PHACTR1: variants seen among roughly 807,000 people sequenced by gnomAD.
The protein encoded by PHACTR1 is RPEL repeat containing 1.
Under a neutral mutation model 69.2 loss-of-function variants are expected in PHACTR1, and 16 were observed. That is an observed-to-expected ratio of 0.23 (90% confidence interval 0.16 to 0.35). PHACTR1 has a LOEUF of 0.35. Ranked by LOEUF, PHACTR1 falls within the 10% of genes least tolerant of loss-of-function variation. The probability of loss-of-function intolerance (pLI) is 1.00; values close to 1 mark genes in which losing one functional copy is unlikely to be tolerated. For synonymous variants in PHACTR1, 312 were observed against 284.5 expected, an observed-to-expected ratio of 1.10 and a Z score of -0.97; for missense variants, 510 against 734.7, an observed-to-expected ratio of 0.69 and a Z score of 3.54.
In PHACTR1 at chr6:13,182,508, C is replaced by T. The variant is rs1762306231; in HGVS notation, c.497-11C>T. The T allele has an allele frequency of 6.2e-7, 1 of 1,613,346 alleles. No homozygotes were observed. The highest frequency in any genetic ancestry group is 1.3e-5 in the African/African-American group (1 of 74,916). Reference sequence around the variant, plus strand: ...TTGTCTAACTCTGCAATCTCCTTTTCTCTCTGACAGATGGGGAACTCTCTA... The same window carrying T: ...TTGTCTAACTCTGCAATCTCCTTTTTTCTCTGACAGATGGGGAACTCTCTA... On this transcript the variant is annotated splice_polypyrimidine_tract_variant and intron_variant, in intron 6 of 14. Coordinates refer to ENST00000332995, the MANE Select transcript of PHACTR1 (RefSeq NM_030948.6).
chr6:12,782,366 C>G (rs1770951344), intron 4 of PHACTR1, among the ~76,000 whole-genome samples: 1 of 152,084 alleles, frequency 6.6e-6, no homozygotes, highest in South Asian at 2.1e-4. Context: ...AGGACACATT[C>G]GACTTGTCAG....
chr6:13,042,714 C>A (rs575985887), intron 4 of PHACTR1, among the ~76,000 whole-genome samples: 2 of 152,132 alleles, frequency 1.3e-5, no homozygotes, highest in African/African-American at 4.8e-5. Flanking sequence ...CCTAGTGGAA[C>A]GCTTATTAGC....
chr6:12,811,844 T>G (rs1775046449), intron 4 of PHACTR1, among the ~76,000 whole-genome samples: 1 of 152,188 alleles, frequency 6.6e-6, no homozygotes, highest in Admixed American at 6.5e-5. Context: ...GTTTCCTTTA[T>G]GTCTCCGTGG....
At chr6:13,272,398 T>C in intron 10 of PHACTR1, 1 of 168,788 alleles carries the variant, frequency 5.9e-6, no homozygotes, top group East Asian at 1.7e-4. Context: ...AGACACATTC[T>C]CTCACATGTC....
At chr6:13,188,310 G>A (rs557256995) in intron 7 of PHACTR1, among the ~76,000 whole-genome samples, 64 of 152,294 alleles carry the variant, frequency 4.2e-4, no homozygotes, top group Non-Finnish European at 7.9e-4. Flanking sequence ...TAATGAATCT[G>A]CATCACCATG....
chr6:13,135,748 G>A (rs1239577507), intron 5 of PHACTR1, among the ~76,000 whole-genome samples: 3 of 152,126 alleles, frequency 2.0e-5, no homozygotes, highest in Admixed American at 6.5e-5. Context: ...GCCAGGTACG[G>A]TGGCTCATGC....
At chr6:13,229,423 G>A (rs530635167) in intron 9 of PHACTR1, among the ~76,000 whole-genome samples, 8 of 152,204 alleles carry the variant, frequency 5.3e-5, no homozygotes, top group East Asian at 1.9e-4. Flanking sequence ...GCTCAGAAAT[G>A]CTGGGGTTGA....
At chr6:12,771,608 C>A (rs143752753) in intron 4 of PHACTR1, among the ~76,000 whole-genome samples, 1 of 152,298 alleles carries the variant, frequency 6.6e-6, no homozygotes, top group East Asian at 1.9e-4. Context: ...TCCAGTAGGA[C>A]CAGCTCAAGT....
chr6:12,893,880 T>G (rs1784389406), intron 4 of PHACTR1, among the ~76,000 whole-genome samples: 1 of 152,330 alleles, frequency 6.6e-6, no homozygotes, highest in Admixed American at 6.5e-5. Flanking sequence ...GAGAAGATTC[T>G]GGAACCCCTC....
At chr6:12,866,914 A>G (rs1781519817) in intron 4 of PHACTR1, among the ~76,000 whole-genome samples, 1 of 152,032 alleles carries the variant, frequency 6.6e-6, no homozygotes, top group Non-Finnish European at 1.5e-5. Context: ...TACCGTATGG[A>G]TTTCAGGGCT....
At chr6:13,097,114 G>A (rs900811339) in intron 5 of PHACTR1, among the ~76,000 whole-genome samples, 1 of 152,136 alleles carries the variant, frequency 6.6e-6, no homozygotes, top group African/African-American at 2.4e-5. Flanking sequence ...TCTTGTTCCA[G>A]GACAAAGTTA....
At chr6:12,846,257 A>T (rs1779250786) in intron 4 of PHACTR1, among the ~76,000 whole-genome samples, 3 of 152,296 alleles carry the variant, frequency 2.0e-5, no homozygotes, top group Admixed American at 2.0e-4. Flanking sequence ...TTATCAATGA[A>T]TGGATTGATA....
chr6:12,740,447 G>T (rs1261982390), intron 3 of PHACTR1, among the ~76,000 whole-genome samples: 1 of 152,026 alleles, frequency 6.6e-6, no homozygotes. Context: ...CCAGATTATA[G>T]CCTCATTGAG....
chr6:13,071,659 T>C (rs1236155557), intron 5 of PHACTR1, among the ~76,000 whole-genome samples: 4 of 152,216 alleles, frequency 2.6e-5, no homozygotes, highest in Non-Finnish European at 4.4e-5. Flanking sequence ...ATTTTGGTCC[T>C]CAAATTAACC....
chr6:13,209,630 CATCTT>C (rs1647360697), intron 8 of PHACTR1, among the ~76,000 whole-genome samples: 8 of 152,190 alleles, frequency 5.3e-5, no homozygotes, highest in Admixed American at 5.2e-4. Context: ...TTGCACAAGT[CATCTT>C]ATCAATGAAA....
At chr6:12,824,614 G>A (rs1292939760) in intron 4 of PHACTR1, among the ~76,000 whole-genome samples, 3 of 152,040 alleles carry the variant, frequency 2.0e-5, no homozygotes, top group Admixed American at 2.0e-4. Context: ...GTTTAGAGGG[G>A]GTAGTGAAGA....
chr6:12,798,640 T>G (rs1445242011), intron 4 of PHACTR1, among the ~76,000 whole-genome samples: 1 of 152,212 alleles, frequency 6.6e-6, no homozygotes, highest in East Asian at 1.9e-4. Context: ...CACATCCTGC[T>G]TTCTAAGTGG....
chr6:13,123,276 T>A (rs528943951), intron 5 of PHACTR1, among the ~76,000 whole-genome samples: 1 of 152,262 alleles, frequency 6.6e-6, no homozygotes, highest in South Asian at 2.1e-4. Flanking sequence ...TCCCCAGGGA[T>A]CAGATTTAGT....
chr6:13,182,689 A>G lies in PHACTR1; in HGVS notation c.664+3A>G. The G allele has an allele frequency of 6.5e-7, 1 of 1,535,170 alleles. No individual in the cohort carries two copies. The highest frequency in any genetic ancestry group is 8.7e-7 in the Non-Finnish European group (1 of 1,144,468). ...GTCAGACATCATGGATGGGCCAGGT[A>G]ATGCCCCGGCAGGATTGTAGAGCAG... On this transcript the variant is annotated splice_donor_region_variant and intron_variant, in intron 7 of 14. Transcript: ENST00000332995.
Sources: gnomAD v4.1 joint callset for allele counts (sites outside exome capture counted in the v4.1 genomes callset) on GRCh38, gnomAD v4.1.1 for gene constraint, MANE v1.5 for transcripts, NCBI Gene and HGNC (gene_info 2026-07-23, HGNC 2026-07-21) for gene names.